Variants in KCNH1 observed in about 807,000 individuals in gnomAD.
The protein encoded by KCNH1 is voltage-gated delayed rectifier potassium channel KCNH1.
KCNH1 carries 27 observed loss-of-function variants against 69.2 expected under a neutral mutation model. That is an observed-to-expected ratio of 0.39 (90% CI 0.29 to 0.54). KCNH1 has a LOEUF of 0.54. KCNH1 is among the 20% of genes least tolerant of loss of function. The pLI, the probability that KCNH1 is intolerant of heterozygous loss-of-function variation, is 0.68. For missense variants in KCNH1, 798 were observed against 1,261.6 expected (o/e 0.63, Z 5.57); for synonymous variants, 456 against 487.7 (o/e 0.93, Z 0.86).
At chr1:210,866,713 G>A (rs1035724719) in intron 7 of KCNH1, among the ~76,000 whole-genome samples, 4 of 152,080 alleles carry the variant, frequency 2.6e-5, no homozygotes, top group African/African-American at 9.7e-5. Context: ...GATGTTAAAT[G>A]TGGAGTTACC....
chr1:211,051,648 TGAGGCTA>T (rs1390237451), intron 5 of KCNH1, among the ~76,000 whole-genome samples: 3 of 152,134 alleles, frequency 2.0e-5, no homozygotes, highest in Non-Finnish European at 1.5e-5. Context: ...TGCAGCTAGT[TGAGGCTA>T]GAGAGGTGAG....
chr1:211,083,390 C>T (rs372231407), intron 4 of KCNH1, among the ~76,000 whole-genome samples: 2 of 152,186 alleles, frequency 1.3e-5, no homozygotes, highest in East Asian at 3.8e-4. Flanking sequence ...TATGCATTAC[C>T]TTCTCCAAGG....
chr1:210,981,926 G>C (rs1688717753), intron 6 of KCNH1, among the ~76,000 whole-genome samples: 1 of 152,124 alleles, frequency 6.6e-6, no homozygotes, highest in African/African-American at 2.4e-5. Context: ...GCACATGTGT[G>C]TTAAGTTTGA....
intron 6 of KCNH1, among the ~76,000 whole-genome samples, chr1:211,001,653 C>T (rs1364012537): frequency 6.6e-6 from 1 of 152,122 alleles, no homozygotes; most frequent in African/African-American, 2.4e-5. Context: ...ACCCAGCCAT[C>T]CCATTACTAG....
chr1:211,040,057 G>A (rs1048813156), intron 5 of KCNH1, among the ~76,000 whole-genome samples: 1 of 152,128 alleles, frequency 6.6e-6, no homozygotes, highest in South Asian at 2.1e-4. Flanking sequence ...TGGGCGTGGT[G>A]GCGGGCGCCT....
intron 6 of KCNH1, among the ~76,000 whole-genome samples, chr1:210,933,735 C>A (rs1434157115): frequency 6.6e-6 from 1 of 152,008 alleles, no homozygotes; most frequent in African/African-American, 2.4e-5. Flanking sequence ...TAGAAAGGAT[C>A]ATTAGAGACT....
intron 5 of KCNH1, among the ~76,000 whole-genome samples, chr1:211,045,359 C>T (rs1420104936): frequency 6.6e-6 from 1 of 151,682 alleles, no homozygotes; most frequent in Admixed American, 6.6e-5. Flanking sequence ...TCACAAATCA[C>T]CACTAAAGAA....
At chr1:210,729,578 G>A (rs553828882) in intron 10 of KCNH1, among the ~76,000 whole-genome samples, 1 of 152,268 alleles carries the variant, frequency 6.6e-6, no homozygotes, top group South Asian at 2.1e-4. Flanking sequence ...TTTGAATATG[G>A]TATAATTTTT....
chr1:211,118,473 A>G lies in KCNH1; in HGVS notation c.80-11096T>C, dbSNP rs118054116. Among the ~76,000 whole-genome samples, 241 of 152,334 alleles carry G rather than the reference A, an allele frequency of 1.6e-3. 5 individuals are homozygous for G. In the East Asian group the frequency reaches 0.017, roughly 11 times the overall value. Reference sequence around the variant, plus strand: ...CTTTGATGCAAATTAGCCAGATTCTACTGCCGCCTTCTGATGCTTTTTTAC... The same window carrying G: ...CTTTGATGCAAATTAGCCAGATTCTGCTGCCGCCTTCTGATGCTTTTTTAC... On this transcript the variant is annotated intron_variant, in intron 1 of 10. Transcript: ENST00000271751.
At chr1:211,118,824 TA>T (rs538022002) in intron 1 of KCNH1, among the ~76,000 whole-genome samples, 2,721 of 152,302 alleles carry the variant, frequency 0.018, 32 homozygotes, top group Non-Finnish European at 0.027. Flanking sequence ...AAGGAAAAAC[TA>T]ACTGAAGCAA....
chr1:210,863,842 C>A (rs537456042), intron 7 of KCNH1, among the ~76,000 whole-genome samples: 1 of 152,320 alleles, frequency 6.6e-6, no homozygotes, highest in Non-Finnish European at 1.5e-5. Context: ...TTAGGTGCTC[C>A]ACACGAAGTA....
At chr1:210,923,616 G>T (rs1320937554) in intron 6 of KCNH1, among the ~76,000 whole-genome samples, 1 of 152,218 alleles carries the variant, frequency 6.6e-6, no homozygotes, top group African/African-American at 2.4e-5. Flanking sequence ...TTCCTGTTTT[G>T]CATACTAGTG....
intron 6 of KCNH1, among the ~76,000 whole-genome samples, chr1:210,956,332 AT>A (rs1360598730): frequency 6.6e-6 from 1 of 152,154 alleles, no homozygotes; most frequent in African/African-American, 2.4e-5. Context: ...TTTCACATCG[AT>A]GTTCATCAGG....
chr1:210,775,863 T>C (rs1006597362), intron 9 of KCNH1, among the ~76,000 whole-genome samples: 19 of 152,194 alleles, frequency 1.2e-4, no homozygotes, highest in Admixed American at 1.2e-3. Context: ...ACCCCCTTTT[T>C]CCCCTATAAC....
At chr1:210,800,132 C>G (rs1246615644) in intron 8 of KCNH1, among the ~76,000 whole-genome samples, 1 of 152,222 alleles carries the variant, frequency 6.6e-6, no homozygotes, top group Non-Finnish European at 1.5e-5. Context: ...TCTGGGGTTG[C>G]AGGATGCCCA....
At chr1:210,752,036 A>G (rs1416675548) in intron 10 of KCNH1, among the ~76,000 whole-genome samples, 1 of 152,134 alleles carries the variant, frequency 6.6e-6, no homozygotes, top group Admixed American at 6.6e-5. Flanking sequence ...AGGTAGTGTG[A>G]AGGACATGCC....
intron 1 of KCNH1, among the ~76,000 whole-genome samples, chr1:211,114,621 A>G (rs1691534266): frequency 6.6e-6 from 1 of 152,186 alleles, no homozygotes; most frequent in Non-Finnish European, 1.5e-5. Context: ...AAGGTTTCTT[A>G]ATTCCCCCAG....
chr1:211,091,343 C>T (rs1380860668), intron 3 of KCNH1, among the ~76,000 whole-genome samples: 1 of 151,982 alleles, frequency 6.6e-6, no homozygotes, highest in African/African-American at 2.4e-5. Flanking sequence ...CCACCATGCC[C>T]GGGTAATTTT....
chr1:211,022,507 C>T (rs1374964567), intron 5 of KCNH1, among the ~76,000 whole-genome samples: 1 of 152,056 alleles, frequency 6.6e-6, no homozygotes, highest in Non-Finnish European at 1.5e-5. Flanking sequence ...TTCTGCACAG[C>T]AAAGTAAACA....
Sources: allele counts gnomAD v4.1 joint callset (sites outside exome capture counted in the v4.1 genomes callset), GRCh38; gene constraint gnomAD v4.1.1; transcripts MANE v1.5; gene names NCBI Gene and HGNC (gene_info 2026-07-23, HGNC 2026-07-21).